Variants in CEP164 observed in about 807,000 individuals in gnomAD.
CEP164 encodes the protein centrosomal protein of 164 kDa.
In CEP164, 162 loss-of-function variants were observed where a neutral mutation model predicts 182.7. The ratio of observed to expected loss-of-function variants is 0.89; its 90% CI spans 0.78 to 1.01. CEP164 has a LOEUF of 1.01. Ranked by LOEUF, CEP164 falls within the 50% of genes least tolerant of loss-of-function variation. The probability of loss-of-function intolerance (pLI) is 0.00; values close to 1 mark genes in which losing one functional copy is unlikely to be tolerated. For synonymous variants in CEP164, 661 were observed against 690.0 expected (o/e 0.96, Z 0.66); for missense variants, 1,735 against 1,790.4 (o/e 0.97, Z 0.56).
intron 5 of CEP164, 36 bp downstream of exon 5, chr11:117,352,024 G>T (rs1233366332): frequency 6.5e-7 from 1 of 1,532,010 alleles, no homozygotes; most frequent in African/African-American, 1.4e-5. Flanking sequence ...GAGAGGCCAG[G>T]GCTGAAATCT....
At chr11:117,408,680 C>A in intron 28 of CEP164, 1 of 627,232 alleles carries the variant, frequency 1.6e-6, no homozygotes, top group Non-Finnish European at 2.7e-6. Flanking sequence ...GGGCGACAGC[C>A]TACATACCAC....
intron 27 of CEP164, among the ~76,000 whole-genome samples, chr11:117,405,296 G>A (rs539103768): frequency 1.7e-4 from 26 of 152,298 alleles, no homozygotes; most frequent in Non-Finnish European, 3.4e-4. Context: ...GCACCCGAGG[G>A]AATCTCCTGG....
chr11:117,373,192 C>T (rs1189319397), intron 9 of CEP164, among the ~76,000 whole-genome samples: 1 of 151,980 alleles, frequency 6.6e-6, no homozygotes, highest in East Asian at 1.9e-4. Flanking sequence ...CATGGTGAAA[C>T]CTCATCTTTA....
At chr11:117,365,207 G>A (rs2041483225) in intron 8 of CEP164, among the ~76,000 whole-genome samples, 1 of 152,232 alleles carries the variant, frequency 6.6e-6, no homozygotes, top group African/African-American at 2.4e-5. Flanking sequence ...GCAAGTTGAG[G>A]CTGGAGATTC....
rs1166097710 is a variant in CEP164 at position 117,391,216 on chromosome 11, G to C, written c.2283+1G>C. Reference sequence around the variant, plus strand: ...GCAGCTGGAAGGGGAGAGGAAAGAAGTGAGCTAGTCAAGTGGGGACCTCAC... The same window carrying C: ...GCAGCTGGAAGGGGAGAGGAAAGAACTGAGCTAGTCAAGTGGGGACCTCAC... On this transcript the variant is annotated splice_donor_variant, in intron 17 of 32. Transcript: ENST00000278935. LOFTEE classifies it high-confidence loss of function. The C allele has an allele frequency of 1.2e-6, 2 of 1,604,962 alleles. No individual in the cohort carries two copies. Among genetic ancestry groups the C allele is most frequent in the Non-Finnish European group, 1.7e-6 (2 of 1,176,130 alleles).
At position 117,392,196 on chromosome 11, in the gene CEP164, T is replaced by C. The variant is rs1473217666; in HGVS notation, c.2284-30T>C. The C allele has an allele frequency of 8.4e-6, 13 of 1,541,326 alleles. No homozygotes were observed. The Admixed American group carries it at 2.6e-4, about 31-fold the overall frequency. The stretch of plus-strand genomic sequence containing the variant: ...CCACCATGATCAGTACCTGGCCAGC[T>C]TCACTCACAGTCCCTTTGCTCCTCC... On this transcript the variant is annotated intron_variant, in intron 17 of 32. Coordinates refer to ENST00000278935, the MANE Select transcript of CEP164 (RefSeq NM_014956.5).
intron 8 of CEP164, among the ~76,000 whole-genome samples, chr11:117,366,864 CT>C (rs894828063): frequency 2.6e-5 from 4 of 152,076 alleles, no homozygotes; most frequent in Non-Finnish European, 5.9e-5. Context: ...AACCTCATGG[CT>C]TTTGGGGGGC....
At chr11:117,405,331 A>G (rs1318775334) in intron 27 of CEP164, among the ~76,000 whole-genome samples, 1 of 152,152 alleles carries the variant, frequency 6.6e-6, no homozygotes, top group African/African-American at 2.4e-5. Context: ...AGATTGTGGG[A>G]AAAGCGTAGT....
chr11:117,388,752 C>T (rs1021184412), intron 15 of CEP164, among the ~76,000 whole-genome samples: 1 of 146,064 alleles, frequency 6.8e-6, no homozygotes, highest in African/African-American at 2.5e-5. Flanking sequence ...AGGATTTTTA[C>T]TTAATTCAAA....
rs760674947 is a variant in CEP164, at chr11:117,397,084, G to A, written c.3279-7G>A. 2.5e-6 allele frequency: 4 copies of A among 1,612,878 alleles called. No homozygotes were observed. The highest frequency in any genetic ancestry group is 1.3e-5 in the African/African-American group (1 of 75,038). On this transcript the variant is annotated splice_polypyrimidine_tract_variant and splice_region_variant and intron_variant, in intron 26 of 32. Coordinates refer to ENST00000278935, the MANE Select transcript of CEP164 (RefSeq NM_014956.5). ...TCTGTTTTCCTTCTTCAACTCTCCT[G>A]CTCCAGCCTGTCCTCCCACAATGTC...
chr11:117,405,328 G>A (rs2046554990), intron 27 of CEP164, among the ~76,000 whole-genome samples: 1 of 152,192 alleles, frequency 6.6e-6, no homozygotes, highest in Admixed American at 6.5e-5. Context: ...CAAAGATTGT[G>A]GGAAAAGCGT....
At chr11:117,369,920 G>C (rs1316219955) in intron 8 of CEP164, among the ~76,000 whole-genome samples, 1 of 152,236 alleles carries the variant, frequency 6.6e-6, no homozygotes, top group Non-Finnish European at 1.5e-5. Flanking sequence ...CTGCCAAGGG[G>C]AGCTTAGCAG....
chr11:117,336,324 C>T (rs1358674266), intron 2 of CEP164: 1 of 1,489,124 alleles, frequency 6.7e-7, no homozygotes, highest in Non-Finnish European at 9.4e-7. Context: ...TGTCCGCTGT[C>T]ACTGCTGGTC....
intron 3 of CEP164, among the ~76,000 whole-genome samples, chr11:117,340,111 C>T (rs375852828): frequency 3.3e-4 from 50 of 152,148 alleles, no homozygotes; most frequent in African/African-American, 1.2e-3. Context: ...CTGCAACCTC[C>T]GCCTCCCAGG....
chr11:117,361,379 T>C (rs1018615856), intron 5 of CEP164, among the ~76,000 whole-genome samples: 14 of 150,672 alleles, frequency 9.3e-5, no homozygotes, highest in Admixed American at 4.6e-4. Flanking sequence ...TAGCTGGGAC[T>C]ATAGGCACCC....
chr11:117,387,540 C>G lies in CEP164; in HGVS notation c.1934+128C>G, dbSNP rs922480529. 7 of 818,448 alleles carry G rather than the reference C, an allele frequency of 8.6e-6. No homozygotes were observed. The African/African-American group carries it at 1.0e-4, about 12-fold the overall frequency. 50.7% of individuals were successfully genotyped at this position (818,448 alleles called of 1,614,324 possible). A position where few individuals can be genotyped will look rare whatever the true frequency, so the allele number is the denominator to read the frequency against. On this transcript the variant is annotated intron_variant, in intron 15 of 32. Coordinates refer to ENST00000278935, the MANE Select transcript of CEP164 (RefSeq NM_014956.5). ...ACTAAGACCAACTAAAGTTGGGAAACTTGACCCAACAATTTCTGCTTATAT... is the reference window on the plus strand; with the variant it reads ...ACTAAGACCAACTAAAGTTGGGAAAGTTGACCCAACAATTTCTGCTTATAT...
At chr11:117,322,865 A>C (rs924500188), upstream of CEP164, among the ~76,000 whole-genome samples, 1 of 146,472 alleles carries the variant, frequency 6.8e-6, no homozygotes, top group Non-Finnish European at 1.5e-5. Flanking sequence ...TCCCAGGTTC[A>C]AGCAATTCTC....
At position 117,363,250 on chromosome 11, in the gene CEP164, G is replaced by A. The variant is rs137952164; in HGVS notation, c.688-179G>A. On this transcript the variant is annotated intron_variant, in intron 7 of 32. Coordinates refer to ENST00000278935, the MANE Select transcript of CEP164 (RefSeq NM_014956.5). Reference sequence around the variant, plus strand: ...TTGCTTGTTGCACAGCATAGTTTGCGCTGGATGGAGAGCCGTTTAGTGAGG... The same window carrying A: ...TTGCTTGTTGCACAGCATAGTTTGCACTGGATGGAGAGCCGTTTAGTGAGG... 2.2e-4 allele frequency among the ~76,000 whole-genome samples: 33 copies of A among 152,310 alleles called. No individual in the cohort carries two copies. The East Asian group carries it at 6.2e-3, about 28-fold the overall frequency.
chr11:117,331,643 C>T lies in CEP164; in HGVS notation c.-98+3739C>T, dbSNP rs539421218. On this transcript the variant is annotated intron_variant, in intron 1 of 32. Coordinates refer to ENST00000278935, the MANE Select transcript of CEP164 (RefSeq NM_014956.5). The stretch of plus-strand genomic sequence containing the variant: ...TCTGTCTCCAAAGCTGGTACTTTGA[C>T]CACTATGCCGCCTGTCACTGGAAGC... Among the ~76,000 whole-genome samples, 3 of 152,252 alleles carry T rather than the reference C, an allele frequency of 2.0e-5. No homozygotes were observed. In the East Asian group the frequency reaches 5.8e-4, roughly 29 times the overall value.
Sources: allele counts gnomAD v4.1 joint callset (sites outside exome capture counted in the v4.1 genomes callset), GRCh38; gene constraint gnomAD v4.1.1; transcripts MANE v1.5; gene names NCBI Gene and HGNC (gene_info 2026-07-23, HGNC 2026-07-21).